Variants in PDE1A observed in about 807,000 individuals in gnomAD.
PDE1A encodes phosphodiesterase 1A, also known as dual specificity calcium/calmodulin-dependent 3',5'-cyclic nucleotide phosphodiesterase 1A.
A neutral mutation model predicts 61.7 loss-of-function variants in PDE1A; 35 were observed. That is an observed-to-expected ratio of 0.57 (90% CI 0.43 to 0.75). The LOEUF (loss-of-function observed/expected upper bound fraction) is 0.75. PDE1A is among the 30% of genes least tolerant of loss of function. The pLI is 0.00. For synonymous variants in PDE1A, 232 were observed against 213.2 expected (o/e 1.09, Z -0.77); for missense variants, 597 against 630.6 (o/e 0.95, Z 0.57).
chr2:182,374,836 A>G (rs540883407), intron 1 of PDE1A, among the ~76,000 whole-genome samples: 59 of 152,324 alleles, frequency 3.9e-4, no homozygotes, highest in Middle Eastern at 6.8e-3. Context: ...GGCAATTTAC[A>G]AAAGAAAGAG....
At chr2:182,685,110 T>C in the PDE1A span, among the ~76,000 whole-genome samples, 1 of 150,426 alleles carries the variant, frequency 6.6e-6, no homozygotes, top group Non-Finnish European at 1.5e-5. Context: ...TATACATATA[T>C]ATATACACAC....
chr2:182,712,169 G>A, the PDE1A span, among the ~76,000 whole-genome samples: 12 of 152,276 alleles, frequency 7.9e-5, no homozygotes, highest in African/African-American at 2.4e-4. Context: ...AAAATAATTG[G>A]CCTATATTCT....
the PDE1A span, among the ~76,000 whole-genome samples, chr2:182,564,651 C>T: frequency 3.3e-5 from 5 of 152,144 alleles, no homozygotes; most frequent in African/African-American, 1.2e-4. Context: ...AGAGTGTTTT[C>T]CAACTTGGTT....
chr2:182,689,698 TAG>T, the PDE1A span, among the ~76,000 whole-genome samples: 17 of 152,032 alleles, frequency 1.1e-4, no homozygotes, highest in Admixed American at 6.5e-4. Flanking sequence ...CTGAAGGAGA[TAG>T]AGACACAAAA....
chr2:182,656,381 A>T, the PDE1A span, among the ~76,000 whole-genome samples: 1 of 152,232 alleles, frequency 6.6e-6, no homozygotes, highest in Non-Finnish European at 1.5e-5. Context: ...CAAGCAGCCA[A>T]CTTGTGATTT....
the PDE1A span, among the ~76,000 whole-genome samples, chr2:182,686,313 A>C: frequency 1.1e-3 from 172 of 152,328 alleles, no homozygotes; most frequent in African/African-American, 3.9e-3. Flanking sequence ...CTTGAAATGC[A>C]AAAAAGTACT....
At chr2:182,410,552 T>C (rs1292730884) in intron 1 of PDE1A, among the ~76,000 whole-genome samples, 1 of 152,158 alleles carries the variant, frequency 6.6e-6, no homozygotes, top group African/African-American at 2.4e-5. Context: ...ATAAGAATTG[T>C]AGTACAATTA....
the PDE1A span, among the ~76,000 whole-genome samples, chr2:182,580,084 T>C: frequency 3.9e-5 from 6 of 152,198 alleles, no homozygotes; most frequent in Admixed American, 2.0e-4. Context: ...CACAAATTAA[T>C]CATTTGAATT....
intron 1 of PDE1A, among the ~76,000 whole-genome samples, chr2:182,296,600 C>A (rs900208271): frequency 7.9e-5 from 12 of 152,244 alleles, no homozygotes; most frequent in African/African-American, 2.9e-4. Context: ...AATAAAGAGG[C>A]CACCGATCTT....
chr2:182,401,526 A>C (rs1334653859), intron 1 of PDE1A, among the ~76,000 whole-genome samples: 1 of 152,190 alleles, frequency 6.6e-6, no homozygotes, highest in East Asian at 1.9e-4. Context: ...GTATCTCAAA[A>C]CATTAAGAGC....
the PDE1A span, among the ~76,000 whole-genome samples, chr2:182,554,695 C>CT: frequency 6.6e-6 from 1 of 152,072 alleles, no homozygotes; most frequent in Non-Finnish European, 1.5e-5. Flanking sequence ...CATGCACAGC[C>CT]TTCAAACATG....
chr2:182,261,744 G>A (rs1366750445), intron 2 of PDE1A, among the ~76,000 whole-genome samples: 1 of 152,030 alleles, frequency 6.6e-6, no homozygotes, highest in Non-Finnish European at 1.5e-5. Flanking sequence ...ACTTCTCAGG[G>A]AAAGGAAATG....
chr2:182,324,951 C>T (rs1183330665), intron 1 of PDE1A, among the ~76,000 whole-genome samples: 1 of 152,184 alleles, frequency 6.6e-6, no homozygotes, highest in Non-Finnish European at 1.5e-5. Flanking sequence ...ACTATTACTC[C>T]TGCAGCTCAG....
chr2:182,403,278 C>T (rs931762825), intron 1 of PDE1A, among the ~76,000 whole-genome samples: 7 of 152,104 alleles, frequency 4.6e-5, no homozygotes, highest in African/African-American at 1.7e-4. Flanking sequence ...CACCCAAATT[C>T]CCATCAACGA....
intron 1 of PDE1A, among the ~76,000 whole-genome samples, chr2:182,365,426 CACTTA>C (rs1225757256): frequency 3.9e-5 from 6 of 151,948 alleles, no homozygotes; most frequent in South Asian, 4.2e-4. Flanking sequence ...GAACCCTATA[CACTTA>C]ACTTAGCTAG....
chr2:182,186,488 A>C (rs1294298889), exon 12 of PDE1A: 1 of 1,612,768 alleles, frequency 6.2e-7, no homozygotes, highest in South Asian at 1.1e-5. Flanking sequence ...CATAGGAAGA[A>C]GTTTCGGCTT....
At chr2:182,157,168 C>A (rs780264642) in intron 13 of PDE1A, among the ~76,000 whole-genome samples, 36 of 152,002 alleles carry the variant, frequency 2.4e-4, no homozygotes, top group Middle Eastern at 3.4e-3. Context: ...GCACACGCCA[C>A]CACGTCTGGA....
the PDE1A span, among the ~76,000 whole-genome samples, chr2:182,586,176 T>C: frequency 6.6e-6 from 1 of 152,162 alleles, no homozygotes. Flanking sequence ...AATATTCAAA[T>C]AGAATATTAT....
the PDE1A span, among the ~76,000 whole-genome samples, chr2:182,617,168 G>A: frequency 1.3e-5 from 2 of 152,186 alleles, no homozygotes; most frequent in Middle Eastern, 3.4e-3. Flanking sequence ...TATGGTTGGG[G>A]CCTTGATATA....
Sources: gnomAD v4.1 joint callset for allele counts (sites outside exome capture counted in the v4.1 genomes callset) on GRCh38, gnomAD v4.1.1 for gene constraint, MANE v1.5 for transcripts, NCBI Gene and HGNC (gene_info 2026-07-23, HGNC 2026-07-21) for gene names.